Variants in FGD3 observed in about 807,000 individuals in gnomAD.
The protein encoded by FGD3 is FYVE, RhoGEF and PH domain containing 3.
FGD3 carries 45 observed loss-of-function variants against 71.8 expected under a neutral mutation model. That is an observed-to-expected ratio of 0.63 (90% CI 0.49 to 0.80). The LOEUF (loss-of-function observed/expected upper bound fraction) is 0.80. FGD3 is among the 30% of genes least tolerant of loss of function. The pLI is 0.00. For synonymous variants in FGD3, 378 were observed against 392.8 expected (o/e 0.96, Z 0.44); for missense variants, 844 against 951.5 (o/e 0.89, Z 1.49).
chr9:93,030,215 C>A (rs1339666835), intron 15 of FGD3, among the ~76,000 whole-genome samples: 2 of 152,366 alleles, frequency 1.3e-5, no homozygotes, highest in Non-Finnish European at 1.5e-5. Context: ...TGGTGTTCAA[C>A]AAACACTACT....
intron 16 of FGD3, chr9:93,033,369 CTTCCTCTCCCTCCGCCTCGCTGTCTTTCT>C: frequency 5.1e-6 from 1 of 198,004 alleles, no homozygotes; most frequent in East Asian, 1.3e-4. Flanking sequence ...CCTCTCCCTC[CTTCCTCTCCCTCCGCCTCGCTGTCTTTCT>C]CCTTCTCCTC....
chr9:92,981,090 C>T (rs1361461084), intron 3 of FGD3, among the ~76,000 whole-genome samples: 1 of 151,756 alleles, frequency 6.6e-6, no homozygotes, highest in African/African-American at 2.4e-5. Flanking sequence ...TGGTTTGGGC[C>T]AGGCATGGTG....
chr9:92,995,318 T>C (rs940795874), intron 3 of FGD3, among the ~76,000 whole-genome samples: 3 of 152,238 alleles, frequency 2.0e-5, no homozygotes, highest in African/African-American at 7.2e-5. Flanking sequence ...TTTTGCAAAT[T>C]GATTTCGTAT....
chr9:93,024,309 A>G (rs1862041001), intron 14 of FGD3, among the ~76,000 whole-genome samples: 1 of 152,234 alleles, frequency 6.6e-6, no homozygotes, highest in Non-Finnish European at 1.5e-5. Flanking sequence ...GTGACAGCCC[A>G]CACCCATGCA....
chr9:93,029,039 A>T (rs1362007782), intron 14 of FGD3, among the ~76,000 whole-genome samples: 1 of 58,146 alleles, frequency 1.7e-5, no homozygotes, highest in Non-Finnish European at 3.6e-5. Context: ...TTTTTTTTTG[A>T]GACAGAATCT....
intron 1 of FGD3, 34 bp from the exon 2 acceptor site, chr9:92,975,204 A>C (rs1432917819): frequency 6.6e-6 from 1 of 152,296 alleles, no homozygotes; most frequent in Non-Finnish European, 1.5e-5. Flanking sequence ...CAGTTGGAGA[A>C]GGTGGTTTTC....
At chr9:92,977,493 C>T (rs552374843) in intron 3 of FGD3, among the ~76,000 whole-genome samples, 2 of 152,128 alleles carry the variant, frequency 1.3e-5, no homozygotes, top group South Asian at 2.1e-4. Context: ...CTGGCTGACA[C>T]GGGGACCATC....
At chr9:92,970,044 T>C (rs1479493746) in intron 1 of FGD3, among the ~76,000 whole-genome samples, 2 of 152,146 alleles carry the variant, frequency 1.3e-5, no homozygotes, top group East Asian at 1.9e-4. Context: ...TCAGGGCTTC[T>C]TAAAGGGAAA....
intron 1 of FGD3, among the ~76,000 whole-genome samples, chr9:92,961,552 G>A (rs190159811): frequency 3.0e-4 from 45 of 152,298 alleles, no homozygotes; most frequent in Admixed American, 1.4e-3. Context: ...CCCAACTTCA[G>A]GTCACCCTTG....
chr9:92,994,572 GC>G (rs1860553969), intron 3 of FGD3, among the ~76,000 whole-genome samples: 1 of 152,198 alleles, frequency 6.6e-6, no homozygotes, highest in Non-Finnish European at 1.5e-5. Context: ...GAATGGTATT[GC>G]CTAGCTTTTC....
chr9:92,993,615 C>T (rs1860507337), intron 3 of FGD3, among the ~76,000 whole-genome samples: 2 of 152,172 alleles, frequency 1.3e-5, no homozygotes, highest in African/African-American at 4.8e-5. Context: ...TCCCTCCTCC[C>T]TCCCCTTACC....
intron 1 of FGD3, among the ~76,000 whole-genome samples, chr9:92,952,415 T>G (rs1156416352): frequency 1.3e-5 from 2 of 151,954 alleles, no homozygotes; most frequent in Non-Finnish European, 2.9e-5. Flanking sequence ...TTTTTGTATT[T>G]TTTAGTAGAG....
intron 14 of FGD3, among the ~76,000 whole-genome samples, chr9:93,022,746 G>A (rs552501917): frequency 2.0e-5 from 3 of 152,248 alleles, no homozygotes; most frequent in African/African-American, 7.2e-5. Context: ...CTCTTAACAT[G>A]TGTGAATCGT....
At position 93,032,754 on chromosome 9, in the gene FGD3, C is replaced by G; in HGVS notation, c.1681-15C>G. Reference sequence around the variant, plus strand: ...TCCCAGGGTGCTGGGGTCACACGTGCCCTCTGTTTGGCAGGTCATCTGTGG... The same window carrying G: ...TCCCAGGGTGCTGGGGTCACACGTGGCCTCTGTTTGGCAGGTCATCTGTGG... On this transcript the variant is annotated splice_polypyrimidine_tract_variant and intron_variant, in intron 15 of 17. Coordinates refer to ENST00000375482, the MANE Select transcript of FGD3 (RefSeq NM_001083536.2). The G allele has an allele frequency of 6.2e-7, 1 of 1,613,312 alleles. No individual in the cohort carries two copies. Among genetic ancestry groups the G allele is most frequent in the Non-Finnish European group, 8.5e-7 (1 of 1,179,238 alleles).
chr9:92,991,727 A>G lies in FGD3; in HGVS notation c.454-11198A>G, dbSNP rs12337511. On this transcript the variant is annotated intron_variant, in intron 3 of 17. Coordinates refer to ENST00000375482, the MANE Select transcript of FGD3 (RefSeq NM_001083536.2). The stretch of plus-strand genomic sequence containing the variant: ...CTTTGATTTTCTGTCTAGATGATCT[A>G]TCTAATACTGAGAGTGGGGTGTTGA... Among the ~76,000 whole-genome samples, 1,107 of 152,270 alleles carry G rather than the reference A, an allele frequency of 7.3e-3. 13 individuals are homozygous for G. The highest frequency in any genetic ancestry group is 0.025 in the African/African-American group (1,035 of 41,550).
chr9:93,009,888 C>T (rs1345674283), intron 6 of FGD3, among the ~76,000 whole-genome samples: 1 of 152,146 alleles, frequency 6.6e-6, no homozygotes, highest in African/African-American at 2.4e-5. Context: ...GCAGAGGGGT[C>T]GAAGGAGCCC....
chr9:92,955,148 G>T (rs139835503), intron 1 of FGD3, among the ~76,000 whole-genome samples: 2 of 152,330 alleles, frequency 1.3e-5, no homozygotes, highest in African/African-American at 4.8e-5. Flanking sequence ...CTGGGAGGCT[G>T]CAAGGGCCAG....
chr9:93,011,665 G>T (rs1364787954), intron 8 of FGD3, among the ~76,000 whole-genome samples: 1 of 151,910 alleles, frequency 6.6e-6, no homozygotes, highest in Non-Finnish European at 1.5e-5. Flanking sequence ...AGACCAGCCT[G>T]GCCAATATGG....
intron 1 of FGD3, among the ~76,000 whole-genome samples, chr9:92,952,485 C>T (rs1474055763): frequency 6.6e-6 from 1 of 152,132 alleles, no homozygotes; most frequent in Non-Finnish European, 1.5e-5. Flanking sequence ...GATCCGCCTG[C>T]CTCGCCCTTC....
Sources: allele counts gnomAD v4.1 joint callset (sites outside exome capture counted in the v4.1 genomes callset), GRCh38; gene constraint gnomAD v4.1.1; transcripts MANE v1.5; gene names NCBI Gene and HGNC (gene_info 2026-07-23, HGNC 2026-07-21).